Variants in RNF220 observed in about 807,000 individuals in gnomAD.
RNF220 encodes the protein E3 ubiquitin-protein ligase RNF220.
RNF220 carries 7 observed loss-of-function variants against 67.1 expected under a neutral mutation model. That is an observed-to-expected ratio of 0.10 (90% CI 0.06 to 0.20). The LOEUF is 0.20. Ranked by LOEUF, RNF220 falls within the 10% of genes least tolerant of loss-of-function variation. The pLI, the probability that RNF220 is intolerant of heterozygous loss-of-function variation, is 1.00. For missense variants in RNF220, 565 were observed against 740.3 expected, an observed-to-expected ratio of 0.76 and a Z score of 2.75; for synonymous variants, 270 against 283.2, an observed-to-expected ratio of 0.95 and a Z score of 0.47.
intron 2 of RNF220, among the ~76,000 whole-genome samples, chr1:44,530,137 A>G (rs1660721815): frequency 6.6e-6 from 1 of 152,230 alleles, no homozygotes; most frequent in African/African-American, 2.4e-5. Context: ...AGGTATACTA[A>G]CAAAAGTTGC....
At chr1:44,639,326 G>A (rs116464132) in intron 8 of RNF220, among the ~76,000 whole-genome samples, 2,705 of 152,308 alleles carry the variant, frequency 0.018, 75 homozygotes, top group African/African-American at 0.062. Context: ...CTGTGTGTTG[G>A]TTGCCAGTGA....
chr1:44,452,382 C>T (rs943354125), intron 2 of RNF220, among the ~76,000 whole-genome samples: 1 of 151,896 alleles, frequency 6.6e-6, no homozygotes, highest in Non-Finnish European at 1.5e-5. Context: ...GGTGAAACCC[C>T]GTCTCTACTA....
At chr1:44,436,144 C>T (rs918861857) in intron 2 of RNF220, among the ~76,000 whole-genome samples, 8 of 151,852 alleles carry the variant, frequency 5.3e-5, no homozygotes, top group Non-Finnish European at 1.2e-4. Context: ...CTCCCTGGAG[C>T]GCAGGGAGCT....
At position 44,645,571 on chromosome 1, in the gene RNF220, A is replaced by C. The variant is rs533871553; in HGVS notation, c.1445+83A>C. The C allele has an allele frequency of 4.2e-5, 59 of 1,418,852 alleles. No individual in the cohort carries two copies. The South Asian group carries it at 6.4e-4, about 15-fold the overall frequency. 87.9% of individuals were successfully genotyped at this position (1,418,852 alleles called of 1,614,324 possible). On this transcript the variant is annotated intron_variant, in intron 12 of 14. Coordinates refer to ENST00000361799, the MANE Select transcript of RNF220 (RefSeq NM_018150.4). The surrounding 1 kb of genome is among the most constrained non-coding windows in gnomAD (Gnocchi z 5.0). ...TTTGCTAGCAGGAAGGCCTGCTGCCAGGGCTTCTGGCCCTCCCAAGTGCAG... is the reference window on the plus strand; with the variant it reads ...TTTGCTAGCAGGAAGGCCTGCTGCCCGGGCTTCTGGCCCTCCCAAGTGCAG...
At chr1:44,407,713 G>T (rs1035246361) in intron 1 of RNF220, among the ~76,000 whole-genome samples, 2 of 152,126 alleles carry the variant, frequency 1.3e-5, no homozygotes, top group African/African-American at 4.8e-5. Flanking sequence ...CCCGCACTGC[G>T]CATCCGCAGT....
intron 2 of RNF220, among the ~76,000 whole-genome samples, chr1:44,508,466 C>T (rs189741588): frequency 1.1e-3 from 173 of 152,316 alleles, no homozygotes; most frequent in Non-Finnish European, 1.9e-3. Flanking sequence ...TGCTCAGGAA[C>T]GCCTGCATCT....
At chr1:44,604,528 G>A (rs1473543888) in intron 2 of RNF220, among the ~76,000 whole-genome samples, 5 of 152,268 alleles carry the variant, frequency 3.3e-5, no homozygotes, top group African/African-American at 1.2e-4. Flanking sequence ...GTTGGCTGGT[G>A]CCTTTGGCCG....
In RNF220 at chr1:44,649,926, T is replaced by C. The variant is rs2148519899; in HGVS notation, c.1598T>C (p.Val533Ala). 1 of 1,614,000 alleles carries C rather than the reference T, an allele frequency of 6.2e-7. No individual in the cohort carries two copies. The highest frequency in any genetic ancestry group is 8.5e-7 in the Non-Finnish European group (1 of 1,179,960). ...MPLTSIQCWH[V>A]HCEECWLRTL... ...CTAACGTCCATCCAGTGTTGGCACG[T>C]GCACTGCGAGGAGTGCTGGCTGCGG... The change falls in exon 14 of 15, where the codon GTG becomes GCG. Residue 533 changes from valine to alanine, a missense_variant. Coordinates refer to ENST00000361799, the MANE Select transcript of RNF220 (RefSeq NM_018150.4). This position sits in a 1 kb window ranked among gnomAD's most constrained non-coding sequence, Gnocchi z 5.9.
chr1:44,532,803 C>A (rs1660930696), intron 2 of RNF220, among the ~76,000 whole-genome samples: 1 of 152,186 alleles, frequency 6.6e-6, no homozygotes, highest in Non-Finnish European at 1.5e-5. Flanking sequence ...TTGCTATCCA[C>A]CTGTGTCTCC....
intron 2 of RNF220, among the ~76,000 whole-genome samples, chr1:44,428,791 C>T (rs1484627457): frequency 1.5e-4 from 23 of 151,862 alleles, no homozygotes; most frequent in Admixed American, 1.2e-3. Context: ...ACTTCCTCTG[C>T]GTCTTAGCCC....
intron 2 of RNF220, among the ~76,000 whole-genome samples, chr1:44,573,840 G>T (rs530566853): frequency 6.6e-6 from 1 of 152,316 alleles, no homozygotes; most frequent in South Asian, 2.1e-4. Context: ...AGGGCTGGGC[G>T]TGGTGGCTCA....
At chr1:44,586,109 G>T (rs1339063696) in intron 2 of RNF220, among the ~76,000 whole-genome samples, 1 of 152,182 alleles carries the variant, frequency 6.6e-6, no homozygotes, top group Non-Finnish European at 1.5e-5. Flanking sequence ...TTCTGTGTTT[G>T]GGGAGTCTAG....
In RNF220 at chr1:44,432,875, G is replaced by C. The variant is rs868519095; in HGVS notation, c.625+20153G>C. Among the ~76,000 whole-genome samples the C allele has an allele frequency of 4.1e-5, 6 of 145,344 alleles. No homozygotes were observed. In the Middle Eastern group the frequency reaches 0.011, roughly 261 times the overall value. On this transcript the variant is annotated intron_variant, in intron 2 of 14. Coordinates refer to ENST00000361799, the MANE Select transcript of RNF220 (RefSeq NM_018150.4). ...TGTGGTTACTCTTGAGTTTTGGTAT[G>C]TATGTAAGTTTCAAATTGGCTTTTC...
intron 2 of RNF220, among the ~76,000 whole-genome samples, chr1:44,603,564 A>G (rs536381852): frequency 6.6e-6 from 1 of 152,352 alleles, no homozygotes; most frequent in African/African-American, 2.4e-5. Context: ...TCTCCCATTA[A>G]TTCCCAGCTA....
chr1:44,535,386 A>G (rs955140543), intron 2 of RNF220, among the ~76,000 whole-genome samples: 1 of 151,824 alleles, frequency 6.6e-6, no homozygotes, highest in African/African-American at 2.4e-5. Context: ...TGATCCGCCC[A>G]CCTTGGCCTC....
In RNF220 at chr1:44,605,359, A is replaced by G. The variant is rs1667202316; in HGVS notation, c.626-8806A>G. ...AGGATAGCTGACCAGACTAGACCAG[A>G]GTCAGGGTGGGACAAGGAATCAGAG... On this transcript the variant is annotated intron_variant, in intron 2 of 14. Coordinates refer to ENST00000361799, the MANE Select transcript of RNF220 (RefSeq NM_018150.4). Among the ~76,000 whole-genome samples the G allele has an allele frequency of 2.6e-5, 4 of 152,124 alleles. 1 individual carries two copies. The highest frequency in any genetic ancestry group is 2.0e-4 in the Admixed American group (3 of 15,292).
intron 8 of RNF220, among the ~76,000 whole-genome samples, chr1:44,642,812 G>A (rs186929106): frequency 1.4e-4 from 22 of 152,304 alleles, no homozygotes; most frequent in Admixed American, 3.9e-4. Context: ...GGGCCAGGCC[G>A]AGCAGAAGAT....
intron 1 of RNF220, among the ~76,000 whole-genome samples, chr1:44,410,424 T>C (rs909829915): frequency 1.3e-5 from 2 of 152,204 alleles, no homozygotes; most frequent in African/African-American, 2.4e-5. Flanking sequence ...GACAGGAAAG[T>C]TATTTAAAAT....
intron 2 of RNF220, among the ~76,000 whole-genome samples, chr1:44,440,992 G>T (rs1651487796): frequency 6.6e-6 from 1 of 152,196 alleles, no homozygotes; most frequent in South Asian, 2.1e-4. Context: ...AGAGCCGCTG[G>T]CCTGCGGAGT....
Sources: allele counts gnomAD v4.1 joint callset (sites outside exome capture counted in the v4.1 genomes callset), GRCh38; gene constraint gnomAD v4.1.1; non-coding constraint Gnocchi (gnomAD v3.1); transcripts MANE v1.5; gene names NCBI Gene and HGNC (gene_info 2026-07-23, HGNC 2026-07-21).